Variants in TTC27 observed in about 807,000 individuals in gnomAD.
TTC27 encodes the protein tetratricopeptide repeat domain 27.
In TTC27, 79 loss-of-function variants were observed where a neutral mutation model predicts 115.9. The ratio of observed to expected loss-of-function variants is 0.68; its 90% confidence interval spans 0.57 to 0.82. The LOEUF (loss-of-function observed/expected upper bound fraction) is 0.82, where lower values mean the gene tolerates loss of function less well. TTC27 is among the 40% of genes least tolerant of loss of function. The probability of loss-of-function intolerance (pLI) is 0.00; values close to 1 mark genes in which losing one functional copy is unlikely to be tolerated. For synonymous variants in TTC27, 401 were observed against 356.0 expected (o/e 1.13, Z -1.42); for missense variants, 1,054 against 993.1 (o/e 1.06, Z -0.82).
In TTC27 at chr2:32,682,816, G is replaced by A. The variant is rs575326165; in HGVS notation, c.1119+3894G>A. On this transcript the variant is annotated intron_variant, in intron 9 of 19. Coordinates refer to ENST00000317907, the MANE Select transcript of TTC27 (RefSeq NM_017735.5). ...CCCGAGTAGCTGGGACTACAGGCAT[G>A]GGCCACCACACCCGGATAATTTTTA... Among the ~76,000 whole-genome samples, 13 of 142,550 alleles carry A rather than the reference G, an allele frequency of 9.1e-5. No homozygotes were observed. In the East Asian group the frequency reaches 2.5e-3, roughly 27 times the overall value. The allele number at this position is 142,550 out of a possible 152,430, so 93.5% of individuals were successfully genotyped here.
chr2:32,697,047 C>G (rs868144748), intron 9 of TTC27, among the ~76,000 whole-genome samples: 15 of 151,994 alleles, frequency 9.9e-5, no homozygotes, highest in African/African-American at 3.1e-4. Flanking sequence ...AAATAATTAG[C>G]CAGGTGTGGT....
At chr2:32,736,082 GT>G (rs1668443918) in intron 11 of TTC27, among the ~76,000 whole-genome samples, 1 of 151,518 alleles carries the variant, frequency 6.6e-6, no homozygotes. Context: ...TTTTCCCTTT[GT>G]GCAGGTGTTA....
chr2:32,739,684 A>T (rs1205811386), intron 12 of TTC27, among the ~76,000 whole-genome samples: 1 of 152,170 alleles, frequency 6.6e-6, no homozygotes, highest in Non-Finnish European at 1.5e-5. Flanking sequence ...TATTTAACCC[A>T]TAAAAGACCT....
At chr2:32,741,608 C>T (rs1668642674) in intron 12 of TTC27, among the ~76,000 whole-genome samples, 2 of 151,870 alleles carry the variant, frequency 1.3e-5, no homozygotes, top group Admixed American at 6.6e-5. Context: ...GCTGAGATCA[C>T]ACCACTGCCC....
intron 10 of TTC27, among the ~76,000 whole-genome samples, chr2:32,722,034 C>T (rs577718608): frequency 1.3e-5 from 2 of 152,258 alleles, no homozygotes; most frequent in East Asian, 1.9e-4. Flanking sequence ...CTTCAATAAA[C>T]GTTGACTCTT....
chr2:32,670,769 C>T (rs1665985295), intron 7 of TTC27, among the ~76,000 whole-genome samples: 3 of 152,110 alleles, frequency 2.0e-5, no homozygotes, highest in East Asian at 1.9e-4. Flanking sequence ...AGGTATACGC[C>T]ACCATGCCTG....
chr2:32,782,056 A>G (rs531661658), intron 14 of TTC27, among the ~76,000 whole-genome samples: 2 of 152,228 alleles, frequency 1.3e-5, no homozygotes, highest in Admixed American at 6.5e-5. Flanking sequence ...TAGATAATTT[A>G]TATCATTCTT....
intron 16 of TTC27, among the ~76,000 whole-genome samples, chr2:32,788,197 T>G (rs1670411408): frequency 6.6e-6 from 1 of 152,200 alleles, no homozygotes; most frequent in African/African-American, 2.4e-5. Flanking sequence ...ATATTCCATC[T>G]TACAGTTGAA....
intron 9 of TTC27, among the ~76,000 whole-genome samples, chr2:32,684,938 A>G (rs1307156987): frequency 6.7e-6 from 1 of 150,118 alleles, no homozygotes; most frequent in Non-Finnish European, 1.5e-5. Context: ...AAAAAAAAAG[A>G]CATTAAATAA....
At chr2:32,710,510 C>G (rs545143024) in intron 10 of TTC27, among the ~76,000 whole-genome samples, 1 of 147,654 alleles carries the variant, frequency 6.8e-6, no homozygotes, top group East Asian at 2.1e-4. Flanking sequence ...CTTGCTGCAA[C>G]CTCTGCCCTC....
chr2:32,628,774 TTTA>T (rs1553540855), intron 1 of TTC27, among the ~76,000 whole-genome samples: 59 of 144,876 alleles, frequency 4.1e-4, no homozygotes, highest in African/African-American at 1.3e-3. Context: ...TATTTATTTA[TTTA>T]TTGAGACGGA....
chr2:32,773,815 A>C (rs186635111), intron 13 of TTC27, among the ~76,000 whole-genome samples: 5 of 152,360 alleles, frequency 3.3e-5, no homozygotes, highest in Non-Finnish European at 7.3e-5. Flanking sequence ...TCAAGGGAGG[A>C]TCTCAGCCAA....
chr2:32,684,596 A>G (rs1666566152), intron 9 of TTC27, among the ~76,000 whole-genome samples: 2 of 152,152 alleles, frequency 1.3e-5, no homozygotes, highest in African/African-American at 4.8e-5. Flanking sequence ...TTTTTCTGCT[A>G]TTGACTTTAA....
At chr2:32,752,596 G>T (rs1311422065) in intron 12 of TTC27, among the ~76,000 whole-genome samples, 1 of 152,142 alleles carries the variant, frequency 6.6e-6, no homozygotes. Flanking sequence ...TTACCATGTG[G>T]TCCCAAGGTT....
At chr2:32,634,109 T>G (rs972280814) in intron 3 of TTC27, 104 bp downstream of exon 3, 1 of 1,318,688 alleles carries the variant, frequency 7.6e-7, no homozygotes, top group East Asian at 2.6e-5. Context: ...AACATGACTT[T>G]ATGGTTTGCA....
intron 12 of TTC27, among the ~76,000 whole-genome samples, chr2:32,746,856 C>G (rs556313429): frequency 2.6e-4 from 39 of 152,132 alleles, no homozygotes; most frequent in Non-Finnish European, 5.1e-4. Flanking sequence ...TGCAATATGA[C>G]TAGCTGAAGA....
chr2:32,675,515 CCGG>C (rs1481806264), intron 8 of TTC27, among the ~76,000 whole-genome samples: 1 of 152,060 alleles, frequency 6.6e-6, no homozygotes, highest in African/African-American at 2.4e-5. Context: ...ATTGATTTCA[CCGG>C]CAGTTTAACT....
intron 11 of TTC27, among the ~76,000 whole-genome samples, chr2:32,735,062 G>A (rs1668406794): frequency 6.6e-6 from 1 of 152,082 alleles, no homozygotes. Flanking sequence ...CATACACATA[G>A]GTAGTGAGTT....
At chr2:32,717,131 G>A (rs970803168) in intron 10 of TTC27, among the ~76,000 whole-genome samples, 9 of 151,112 alleles carry the variant, frequency 6.0e-5, no homozygotes, top group African/African-American at 2.2e-4. Flanking sequence ...AGCCCCCCAC[G>A]CCCAACTAAT....
Sources: allele counts gnomAD v4.1 joint callset (sites outside exome capture counted in the v4.1 genomes callset), GRCh38; gene constraint gnomAD v4.1.1; transcripts MANE v1.5; gene names NCBI Gene and HGNC (gene_info 2026-07-23, HGNC 2026-07-21).